The following NCALD variants were observed in gnomAD, a reference collection of about 807,000 sequenced individuals.
NCALD encodes the protein neurocalcin-delta.
Under a neutral mutation model 18.6 loss-of-function variants are expected in NCALD, and 10 were observed. The observed-to-expected ratio is 0.54, with a 90% CI of 0.33 to 0.91. The LOEUF is 0.91. Ranked by LOEUF, NCALD falls within the 40% of genes least tolerant of loss-of-function variation. NCALD has a pLI of 0.03. For synonymous variants in NCALD, 88 were observed against 87.4 expected, an observed-to-expected ratio of 1.01 and a Z score of -0.04; for missense variants, 184 against 247.6, an observed-to-expected ratio of 0.74 and a Z score of 1.72.
At chr8:101,892,348 C>T (rs1816938880) in intron 3 of NCALD, among the ~76,000 whole-genome samples, 1 of 146,862 alleles carries the variant, frequency 6.8e-6, no homozygotes, top group African/African-American at 2.7e-5. Context: ...ACATCCACAC[C>T]AAAAACCCAT....
chr8:101,860,349 G>A (rs916074400), intron 4 of NCALD, among the ~76,000 whole-genome samples: 3 of 152,186 alleles, frequency 2.0e-5, no homozygotes, highest in Admixed American at 6.5e-5. Context: ...ATCCTCCCAA[G>A]ATGATGATGA....
At chr8:101,737,242 C>T (rs1809964001) in intron 1 of NCALD, among the ~76,000 whole-genome samples, 2 of 152,070 alleles carry the variant, frequency 1.3e-5, no homozygotes, top group South Asian at 4.2e-4. Flanking sequence ...CACCACCACA[C>T]CTGACTATAA....
intron 1 of NCALD, among the ~76,000 whole-genome samples, chr8:102,077,486 C>T (rs1457686075): frequency 1.3e-5 from 2 of 152,086 alleles, no homozygotes; most frequent in Admixed American, 1.3e-4. Context: ...AATAAAAAGT[C>T]TGTAAAAATG....
intron 4 of NCALD, among the ~76,000 whole-genome samples, chr8:101,858,692 AC>A (rs1364952092): frequency 6.6e-6 from 1 of 152,200 alleles, no homozygotes; most frequent in Non-Finnish European, 1.5e-5. Context: ...GGAAAAGTCT[AC>A]AGTACAGATA....
chr8:101,717,929 G>C (rs918744670), intron 2 of NCALD, among the ~76,000 whole-genome samples: 4 of 152,130 alleles, frequency 2.6e-5, no homozygotes, highest in African/African-American at 9.7e-5. Context: ...GAATAACATA[G>C]CCCTTAATAT....
chr8:101,809,825 G>A (rs1012493471), intron 4 of NCALD, among the ~76,000 whole-genome samples: 1 of 152,180 alleles, frequency 6.6e-6, no homozygotes, highest in Non-Finnish European at 1.5e-5. Flanking sequence ...GATTACAGGT[G>A]TGAACCACCG....
At chr8:101,902,268 C>T (rs908449596) in intron 3 of NCALD, among the ~76,000 whole-genome samples, 2 of 83,072 alleles carry the variant, frequency 2.4e-5, no homozygotes, top group Non-Finnish European at 4.2e-5. Context: ...AGCCCATCCA[C>T]TGAGTTTTTT....
intron 4 of NCALD, among the ~76,000 whole-genome samples, chr8:101,837,543 TA>T (rs1248037903): frequency 6.6e-6 from 1 of 152,230 alleles, no homozygotes; most frequent in East Asian, 1.9e-4. Flanking sequence ...CCATGTTCTC[TA>T]CTTAGACACA....
intron 2 of NCALD, chr8:101,693,192 C>A (rs1346226004): frequency 6.6e-6 from 2 of 303,296 alleles, no homozygotes; most frequent in East Asian, 1.7e-4. Flanking sequence ...ATTCTGTCAC[C>A]CAGGCTGGAG....
At chr8:102,012,160 G>A (rs1422129662) in intron 2 of NCALD, among the ~76,000 whole-genome samples, 1 of 151,940 alleles carries the variant, frequency 6.6e-6, no homozygotes, top group Non-Finnish European at 1.5e-5. Flanking sequence ...GGTCTCAGCT[G>A]TTGTGGGGAC....
At chr8:102,107,625 CT>C (rs1825516577) in intron 1 of NCALD, among the ~76,000 whole-genome samples, 1 of 152,156 alleles carries the variant, frequency 6.6e-6, no homozygotes, top group African/African-American at 2.4e-5. Flanking sequence ...CAATTTTTGA[CT>C]TTAGAGACAG....
At chr8:101,910,847 C>T (rs955121393) in intron 3 of NCALD, among the ~76,000 whole-genome samples, 1 of 152,152 alleles carries the variant, frequency 6.6e-6, no homozygotes, top group Admixed American at 6.5e-5. Flanking sequence ...CTGAAGACCA[C>T]CACAGGGCAA....
intron 2 of NCALD, among the ~76,000 whole-genome samples, chr8:101,958,023 C>T (rs1004835696): frequency 1.3e-5 from 2 of 152,136 alleles, no homozygotes; most frequent in Non-Finnish European, 2.9e-5. Flanking sequence ...TCTGTGTCAG[C>T]GTAGCTCAGG....
intron 2 of NCALD, among the ~76,000 whole-genome samples, chr8:101,695,128 A>C (rs974740137): frequency 2.0e-5 from 3 of 152,226 alleles, no homozygotes; most frequent in African/African-American, 7.2e-5. Flanking sequence ...CAGGAATCTT[A>C]GGACAACAAT....
At position 101,689,302 on chromosome 8, in the gene NCALD, G is replaced by T; in HGVS notation, c.*7C>A. The T allele has an allele frequency of 1.2e-6, 2 of 1,612,956 alleles. No homozygotes were observed. The highest frequency in any genetic ancestry group is 4.5e-5 in the East Asian group (2 of 44,852). On this transcript the variant is annotated 3_prime_UTR_variant, in exon 4 of 4. Coordinates refer to ENST00000220931, the MANE Select transcript of NCALD (RefSeq NM_032041.3). This position sits in a 1 kb window ranked among gnomAD's most constrained non-coding sequence, Gnocchi z 4.4. ...CAGCTCTACAATTCGATTGGTGGGCGCAGGGCTCAGAACTGGCCGGCACTG... is the reference window on the plus strand; with the variant it reads ...CAGCTCTACAATTCGATTGGTGGGCTCAGGGCTCAGAACTGGCCGGCACTG...
At chr8:101,871,995 G>A (rs977824243) in intron 4 of NCALD, 31 of 885,478 alleles carry the variant, frequency 3.5e-5, no homozygotes, top group African/African-American at 1.6e-4. Context: ...GGTTCATGCC[G>A]CCAAACACCA....
chr8:101,818,532 A>T (rs563696918), intron 4 of NCALD, among the ~76,000 whole-genome samples: 2 of 152,304 alleles, frequency 1.3e-5, no homozygotes, highest in Non-Finnish European at 2.9e-5. Flanking sequence ...TTTTCAATCA[A>T]TGTGGGCTAA....
At chr8:101,816,719 G>A (rs2131167652) in intron 4 of NCALD, among the ~76,000 whole-genome samples, 2 of 152,252 alleles carry the variant, frequency 1.3e-5, no homozygotes, top group African/African-American at 4.8e-5. Context: ...ATACTATGAT[G>A]GTGGATTCAT....
At chr8:102,020,079 A>C (rs1339610459) in intron 2 of NCALD, among the ~76,000 whole-genome samples, 5 of 152,154 alleles carry the variant, frequency 3.3e-5, no homozygotes. Flanking sequence ...TGTGCATGTC[A>C]AGTTGCCAGT....
Sources: gnomAD v4.1 joint callset for allele counts (sites outside exome capture counted in the v4.1 genomes callset) on GRCh38, gnomAD v4.1.1 for gene constraint, Gnocchi (gnomAD v3.1) non-coding constraint, MANE v1.5 for transcripts, NCBI Gene and HGNC (gene_info 2026-07-23, HGNC 2026-07-21) for gene names.